STIP1: variants seen among roughly 807,000 people sequenced by gnomAD.
The protein encoded by STIP1 is stress induced phosphoprotein 1, also known as stress-induced-phosphoprotein 1.
In STIP1, 16 loss-of-function variants were observed where a neutral mutation model predicts 77.4. The ratio of observed to expected loss-of-function variants is 0.21; its 90% CI spans 0.14 to 0.31. STIP1 has a LOEUF of 0.31. Ranked by LOEUF, STIP1 falls within the 10% of genes least tolerant of loss-of-function variation. The probability of loss-of-function intolerance (pLI) is 1.00; values close to 1 mark genes in which losing one functional copy is unlikely to be tolerated. For missense variants in STIP1, 524 were observed against 684.8 expected, an observed-to-expected ratio of 0.77 and a Z score of 2.62; for synonymous variants, 258 against 246.6, an observed-to-expected ratio of 1.05 and a Z score of -0.44.
intron 2 of STIP1, chr11:64,193,553 G>A (rs1417374270): frequency 2.2e-6 from 1 of 446,784 alleles, no homozygotes; most frequent in Non-Finnish European, 4.2e-6. Context: ...GGAGGCTGAG[G>A]TGGGCGGATC....
At chr11:64,190,649 G>A (rs1260411928) in intron 1 of STIP1, among the ~76,000 whole-genome samples, 1 of 152,168 alleles carries the variant, frequency 6.6e-6, no homozygotes, top group African/African-American at 2.4e-5. Context: ...TGGGTCGTGG[G>A]TGGATAATAC....
intron 2 of STIP1, 173 bp downstream of exon 2, chr11:64,193,460 T>A (rs1946114602): frequency 3.1e-6 from 2 of 636,162 alleles, no homozygotes; most frequent in Admixed American, 5.7e-5. Flanking sequence ...CCATTAGTTG[T>A]AATACAGGCT....
chr11:64,187,683 A>G (rs1946040573), intron 1 of STIP1, among the ~76,000 whole-genome samples: 1 of 152,204 alleles, frequency 6.6e-6, no homozygotes, highest in Admixed American at 6.6e-5. Flanking sequence ...GATTTCTGGA[A>G]TAAGACGTTG....
chr11:64,194,073 C>T, intron 2 of STIP1, 116 bp from the exon 3 acceptor site: 3 of 1,402,516 alleles, frequency 2.1e-6, no homozygotes, highest in Non-Finnish European at 2.9e-6. Flanking sequence ...TTCTCTTTGG[C>T]CTTCATGTGA....
intron 1 of STIP1, among the ~76,000 whole-genome samples, chr11:64,191,187 C>CA (rs756671182): frequency 0.011 from 833 of 73,264 alleles, 8 homozygotes; most frequent in Middle Eastern, 0.056. Flanking sequence ...AACTCTGTCT[C>CA]AAAAAAAAAA....
chr11:64,187,476 A>G (rs1352834716), intron 1 of STIP1, among the ~76,000 whole-genome samples: 2 of 152,216 alleles, frequency 1.3e-5, no homozygotes, highest in Non-Finnish European at 2.9e-5. Flanking sequence ...TCGATGGACT[A>G]GTGACTACCA....
chr11:64,195,993 C>T (rs1004310146), intron 5 of STIP1, 180 bp downstream of exon 5: 5 of 795,220 alleles, frequency 6.3e-6, no homozygotes, highest in African/African-American at 5.2e-5. Context: ...GCTCCTGCTT[C>T]AGCTAGGATT....
intron 1 of STIP1, among the ~76,000 whole-genome samples, chr11:64,192,111 TA>T (rs1384359380): frequency 1.3e-5 from 2 of 152,086 alleles, no homozygotes; most frequent in African/African-American, 2.4e-5. Flanking sequence ...TCAGGAGTTT[TA>T]AGACCAGCCT....
chr11:64,186,524 G>T, intron 1 of STIP1: 1 of 311,228 alleles, frequency 3.2e-6, no homozygotes, highest in Non-Finnish European at 5.7e-6. Context: ...CAGCTTGGGT[G>T]AGTCCGGCCG....
intron 1 of STIP1, among the ~76,000 whole-genome samples, chr11:64,190,886 G>A (rs569784416): frequency 1.1e-4 from 16 of 152,184 alleles, no homozygotes; most frequent in African/African-American, 2.4e-4. Flanking sequence ...TGTAGTCCCA[G>A]CTACTTAAAA....
rs1448664759 is a variant in STIP1, at chr11:64,203,956, G to A, written c.1560-98G>A. On this transcript the variant is annotated intron_variant, in intron 13 of 13. Coordinates refer to ENST00000305218, the MANE Select transcript of STIP1 (RefSeq NM_006819.3). ...GGCCTCGCCAGGACCCCTCCCTGCC[G>A]GGGCCTTCTGTAGAGGGGGTTGAAT... 1.6e-5 allele frequency: 23 copies of A among 1,426,682 alleles called. No homozygotes were observed. In the Admixed American group the frequency reaches 1.8e-4, roughly 11 times the overall value. 88.4% of individuals were successfully genotyped at this position (1,426,682 alleles called of 1,614,324 possible).
In STIP1 at chr11:64,195,634, ATC is replaced by A; in HGVS notation, c.504-10_504-9del. On this transcript the variant is annotated splice_polypyrimidine_tract_variant and intron_variant, in intron 4 of 13. Coordinates refer to ENST00000305218, the MANE Select transcript of STIP1 (RefSeq NM_006819.3). ...TTACAATTTTTCTTTATTTTTTTAA[ATC>A]AATACTAGGAAACTACAAGATCCCC... 1 of 1,573,984 alleles carries A rather than the reference ATC, an allele frequency of 6.4e-7. No homozygotes were observed. The highest frequency in any genetic ancestry group is 8.6e-7 in the Non-Finnish European group (1 of 1,164,176).
chr11:64,185,799 G>A, upstream of STIP1: 1 of 1,534,854 alleles, frequency 6.5e-7, no homozygotes, highest in Non-Finnish European at 8.7e-7. Context: ...AATTGGAATC[G>A]CTCTCATTCT....
rs775308727 is a variant in STIP1, at chr11:64,199,978, C to T, written c.1062C>T (p.Tyr354=). 5.6e-6 allele frequency: 9 copies of T among 1,614,070 alleles called. No homozygotes were observed. Among genetic ancestry groups the T allele is most frequent in the African/African-American group, 1.3e-5 (1 of 74,928 alleles). The change falls in exon 9 of 14, where the codon TAC becomes TAT. Residue 354 remains tyrosine, a synonymous_variant. Coordinates refer to ENST00000305218, the MANE Select transcript of STIP1 (RefSeq NM_006819.3). ...KILKEQERLA[Y]INPDLALEEK... ...TGAAGGAGCAAGAGCGGCTGGCCTA[C>T]ATAAACCCCGACCTGGCTTTGGAGG...
intron 8 of STIP1, among the ~76,000 whole-genome samples, chr11:64,198,753 G>GTTTTTTTTTTTTTTTTTTTTTTTGTT (rs371481270): frequency 2.7e-5 from 3 of 111,030 alleles, no homozygotes; most frequent in East Asian, 5.1e-4. Flanking sequence ...TTTTTTTGTG[G>GTTTTTTTTTTTTTTTTTTTTTTTGTT]TTTTTTTTTT....
rs750417154 is a variant in STIP1, at chr11:64,203,436, C to T, written c.1387-14C>T. ...GTCCTAACACGCTTCACCTTTGTCT[C>T]TTCTGGACTGCAGGAGGCGGCAGAC... On this transcript the variant is annotated splice_polypyrimidine_tract_variant and intron_variant, in intron 12 of 13. Transcript: ENST00000305218. 1.2e-6 allele frequency: 2 copies of T among 1,613,962 alleles called. No homozygotes were observed. Among genetic ancestry groups the T allele is most frequent in the Non-Finnish European group, 8.5e-7 (1 of 1,179,878 alleles).
Position 64,193,182 on chromosome 11 carries a change from C to T in STIP1, c.114C>T (p.His38=), listed in dbSNP as rs373790002. The change falls in exon 2 of 14, where the codon CAC becomes CAT. Residue 38 remains histidine, a synonymous_variant. Coordinates refer to ENST00000305218, the MANE Select transcript of STIP1 (RefSeq NM_006819.3). ...CTATTAAGCTGGATCCCCACAACCA[C>T]GTGCTGTACAGCAACCGTTCTGCTG... ...SEAIKLDPHN[H]VLYSNRSAAY... is the part of the protein sequence containing the mutation. The T allele has an allele frequency of 4.3e-5, 69 of 1,614,102 alleles. No homozygotes were observed. The highest frequency in any genetic ancestry group is 2.2e-5 in the East Asian group (1 of 44,890).
intron 1 of STIP1, among the ~76,000 whole-genome samples, chr11:64,188,304 A>G (rs1185931946): frequency 6.6e-6 from 1 of 151,200 alleles, no homozygotes; most frequent in Non-Finnish European, 1.5e-5. Context: ...TGATCACGCC[A>G]CTGCACTCTA....
intron 5 of STIP1, 187 bp from the exon 6 acceptor site, chr11:64,197,084 T>G: frequency 1.4e-6 from 1 of 714,012 alleles, no homozygotes; most frequent in Non-Finnish European, 2.3e-6. Flanking sequence ...CAAGCAAAGA[T>G]GAAGTTAGTT....
Sources: gnomAD v4.1 joint callset for allele counts (sites outside exome capture counted in the v4.1 genomes callset) on GRCh38, gnomAD v4.1.1 for gene constraint, MANE v1.5 for transcripts, NCBI Gene and HGNC (gene_info 2026-07-23, HGNC 2026-07-21) for gene names.